CAMK1G: variants seen among roughly 807,000 people sequenced by gnomAD.
CAMK1G encodes the protein calcium/calmodulin-dependent protein kinase type 1G.
CAMK1G carries 27 observed loss-of-function variants against 54.8 expected under a neutral mutation model. That is an observed-to-expected ratio of 0.49 (90% CI 0.36 to 0.68). The LOEUF is 0.68. Ranked by LOEUF, CAMK1G falls within the 30% of genes least tolerant of loss-of-function variation. The pLI is 0.00. For synonymous variants in CAMK1G, 238 were observed against 224.9 expected (o/e 1.06, Z -0.52); for missense variants, 512 against 591.0 (o/e 0.87, Z 1.39).
intron 1 of CAMK1G, among the ~76,000 whole-genome samples, chr1:209,586,904 A>C (rs1571769257): frequency 6.6e-6 from 1 of 152,278 alleles, no homozygotes; most frequent in South Asian, 2.1e-4. Context: ...AACCATAAGC[A>C]ACACATAAAT....
At chr1:209,593,202 C>A (rs536499618) in intron 1 of CAMK1G, among the ~76,000 whole-genome samples, 2 of 152,280 alleles carry the variant, frequency 1.3e-5, no homozygotes, top group South Asian at 4.1e-4. Flanking sequence ...AGGTTGGCCT[C>A]CAAAACTATG....
rs141766005 is a variant in CAMK1G, at chr1:209,585,030, G to A, written c.-30+1258G>A. 4.0e-3 allele frequency among the ~76,000 whole-genome samples: 610 copies of A among 152,240 alleles called. 2 individuals are homozygous for A. Among genetic ancestry groups the A allele is most frequent in the Admixed American group, 8.0e-3 (122 of 15,288 alleles). ...GACCATTGAAGCTTAGAAGTTAAAGGGTTTGCCTGGGGTTGCAAAGCTGGT... is the reference window on the plus strand; with the variant it reads ...GACCATTGAAGCTTAGAAGTTAAAGAGTTTGCCTGGGGTTGCAAAGCTGGT... On this transcript the variant is annotated intron_variant, in intron 1 of 12. Transcript: ENST00000361322.
At chr1:209,584,555 C>A (rs1327382285) in intron 1 of CAMK1G, among the ~76,000 whole-genome samples, 2 of 152,024 alleles carry the variant, frequency 1.3e-5, no homozygotes, top group Admixed American at 1.3e-4. Context: ...CACCACCACC[C>A]CCATCCACAC....
At chr1:209,595,965 C>A (rs1168194348) in intron 2 of CAMK1G, among the ~76,000 whole-genome samples, 1 of 152,208 alleles carries the variant, frequency 6.6e-6, no homozygotes. Flanking sequence ...CCCCCAAACC[C>A]CTCAGAACCC....
At chr1:209,608,787 T>TA (rs1488894005) in intron 7 of CAMK1G, among the ~76,000 whole-genome samples, 193 bp from the exon 8 acceptor site, 2 of 152,222 alleles carry the variant, frequency 1.3e-5, no homozygotes, top group African/African-American at 2.4e-5. Flanking sequence ...TGCCAAGGCT[T>TA]GGCACTTGCA....
chr1:209,599,119 C>A (rs1259253004), intron 2 of CAMK1G, among the ~76,000 whole-genome samples: 1 of 152,150 alleles, frequency 6.6e-6, no homozygotes, highest in African/African-American at 2.4e-5. Flanking sequence ...GGGGGAAGAG[C>A]CCCTTATAAA....
intron 3 of CAMK1G, 98 bp from the exon 4 acceptor site, chr1:209,603,116 A>T (rs1282869410): frequency 2.7e-6 from 3 of 1,110,412 alleles, no homozygotes; most frequent in Admixed American, 2.0e-5. Flanking sequence ...AAACATTGCC[A>T]TCAAAAGCCT....
chr1:209,610,878 G>A (rs1008404953), intron 9 of CAMK1G, among the ~76,000 whole-genome samples: 1 of 152,096 alleles, frequency 6.6e-6, no homozygotes, highest in Non-Finnish European at 1.5e-5. Flanking sequence ...AAGTGTCTGA[G>A]GAACACTTAG....
chr1:209,606,547 G>A, intron 6 of CAMK1G, 104 bp downstream of exon 6: 1 of 1,306,182 alleles, frequency 7.7e-7, no homozygotes, highest in Non-Finnish European at 1.1e-6. Flanking sequence ...TTCAACTTCA[G>A]GGGCTATCCT....
chr1:209,587,725 G>T (rs1571769905), intron 1 of CAMK1G, among the ~76,000 whole-genome samples: 1 of 152,132 alleles, frequency 6.6e-6, no homozygotes, highest in Admixed American at 6.5e-5. Context: ...ACTGGAACAA[G>T]TCTGGGTTCT....
rs1415133413 is a variant in CAMK1G at position 209,611,954 on chromosome 1, G to T, written c.1078G>T (p.Val360Phe). ...SPEITITEAP[V>F]LDHSVALPAL... ...TGAGATCACCATCACCGAGGCACCT[G>T]TCCTGGACCACAGTGTAGCACTCCC... Residue 360 changes from valine (V) to phenylalanine (F), a missense_variant, in exon 11 of 13, where the codon GTC (valine) becomes TTC (phenylalanine). Coordinates refer to ENST00000361322, the MANE Select transcript of CAMK1G (RefSeq NM_020439.3). 6.2e-7 allele frequency: 1 copy of T among 1,614,248 alleles called. No homozygotes were observed. Among genetic ancestry groups the T allele is most frequent in the Admixed American group, 1.7e-5 (1 of 60,030 alleles).
chr1:209,607,803 C>A, intron 6 of CAMK1G, 55 bp from the exon 7 acceptor site: 1 of 1,499,426 alleles, frequency 6.7e-7, no homozygotes, highest in Non-Finnish European at 9.2e-7. Flanking sequence ...CAGCTCCCAC[C>A]CCAAAGCCCT....
intron 6 of CAMK1G, 67 bp downstream of exon 6, chr1:209,606,510 G>A: frequency 1.3e-6 from 2 of 1,555,118 alleles, no homozygotes; most frequent in South Asian, 2.3e-5. Flanking sequence ...ATCATTCATA[G>A]AAAGGGGTGA....
At chr1:209,594,148 T>A (rs577161007) in intron 1 of CAMK1G, among the ~76,000 whole-genome samples, 71 of 152,312 alleles carry the variant, frequency 4.7e-4, no homozygotes, top group Non-Finnish European at 5.9e-4. Flanking sequence ...CTGGACTTTA[T>A]CTAAAGAAGA....
chr1:209,606,128 A>T (rs1394992621), intron 5 of CAMK1G, among the ~76,000 whole-genome samples, 192 bp from the exon 6 acceptor site: 4 of 152,200 alleles, frequency 2.6e-5, no homozygotes, highest in Non-Finnish European at 5.9e-5. Flanking sequence ...CAGAGCCATA[A>T]GCAAGGTGCA....
chr1:209,605,448 T>C, intron 4 of CAMK1G, 88 bp from the exon 5 acceptor site: 1 of 1,493,122 alleles, frequency 6.7e-7, no homozygotes, highest in South Asian at 1.3e-5. Context: ...CCACTGCAGC[T>C]GTGTCCCCCA....
chr1:209,589,530 A>G (rs11587591), intron 1 of CAMK1G, among the ~76,000 whole-genome samples: 33,016 of 151,890 alleles, frequency 0.22, 4,074 homozygotes, highest in Non-Finnish European at 0.28. Flanking sequence ...CACCTTCTAT[A>G]CTCATCTTAA....
chr1:209,596,606 A>T (rs902168485), intron 2 of CAMK1G, among the ~76,000 whole-genome samples: 1 of 151,702 alleles, frequency 6.6e-6, no homozygotes, highest in Non-Finnish European at 1.5e-5. Flanking sequence ...CCACCATCTA[A>T]ATTCAACGTT....
At chr1:209,609,484 A>G (rs1159460521) in intron 8 of CAMK1G, among the ~76,000 whole-genome samples, 1 of 152,124 alleles carries the variant, frequency 6.6e-6, no homozygotes, top group African/African-American at 2.4e-5. Flanking sequence ...TGATTGTTGG[A>G]CCTGTTAAGT....
Sources: allele counts gnomAD v4.1 joint callset (sites outside exome capture counted in the v4.1 genomes callset), GRCh38; gene constraint gnomAD v4.1.1; transcripts MANE v1.5; gene names NCBI Gene and HGNC (gene_info 2026-07-23, HGNC 2026-07-21).